ZNRF1: variants seen among roughly 807,000 people sequenced by gnomAD.
ZNRF1 encodes the protein zinc and ring finger 1.
Under a neutral mutation model 18.4 loss-of-function variants are expected in ZNRF1, and 3 were observed. The ratio of observed to expected loss-of-function variants is 0.16; its 90% CI spans 0.07 to 0.42. The LOEUF (loss-of-function observed/expected upper bound fraction) is 0.42, where lower values mean the gene tolerates loss of function less well. Among genes scored for constraint, ZNRF1 ranks in the 10% least tolerant of loss-of-function variants. ZNRF1 has a pLI of 0.99. For missense variants in ZNRF1, 310 were observed against 329.8 expected, an observed-to-expected ratio of 0.94 and a Z score of 0.47; for synonymous variants, 157 against 144.2, an observed-to-expected ratio of 1.09 and a Z score of -0.64.
chr16:75,034,930 T>C (rs2035357858), intron 1 of ZNRF1, among the ~76,000 whole-genome samples: 1 of 151,956 alleles, frequency 6.6e-6, no homozygotes, highest in Non-Finnish European at 1.5e-5. Context: ...TCCAGTTGGC[T>C]TTCAGTTCTT....
chr16:75,006,123 T>G (rs947086999), intron 1 of ZNRF1, among the ~76,000 whole-genome samples: 2 of 152,186 alleles, frequency 1.3e-5, no homozygotes, highest in Non-Finnish European at 1.5e-5. Flanking sequence ...GACCCATGCA[T>G]GTAGGGTGGT....
intron 1 of ZNRF1, among the ~76,000 whole-genome samples, chr16:75,044,161 G>A (rs1391334118): frequency 1.3e-5 from 2 of 151,462 alleles, no homozygotes; most frequent in East Asian, 3.9e-4. Flanking sequence ...TTAAACTTTG[G>A]AATTTCTTAG....
At chr16:75,028,840 A>G (rs2035259656) in intron 1 of ZNRF1, among the ~76,000 whole-genome samples, 1 of 152,186 alleles carries the variant, frequency 6.6e-6, no homozygotes, top group Admixed American at 6.5e-5. Context: ...CCCTTGAAAC[A>G]CTGTCTTCAC....
chr16:75,023,876 CT>C (rs565608727), intron 1 of ZNRF1, among the ~76,000 whole-genome samples: 2,267 of 142,394 alleles, frequency 0.016, 33 homozygotes, highest in Middle Eastern at 0.029. Flanking sequence ...ATTTTATTTT[CT>C]TTTTTTTTTT....
intron 1 of ZNRF1, among the ~76,000 whole-genome samples, chr16:75,085,507 A>G (rs957823511): frequency 1.5e-4 from 23 of 152,156 alleles, no homozygotes; most frequent in Non-Finnish European, 3.1e-4. Context: ...GTAAATGACT[A>G]TTTGTAGGTA....
chr16:75,001,454 T>A (rs2034848408), intron 1 of ZNRF1, among the ~76,000 whole-genome samples: 1 of 152,228 alleles, frequency 6.6e-6, no homozygotes, highest in African/African-American at 2.4e-5. Context: ...GACCTCCGGA[T>A]ATCATTGGAG....
At chr16:75,087,397 C>A (rs972510666) in intron 1 of ZNRF1, among the ~76,000 whole-genome samples, 1 of 152,210 alleles carries the variant, frequency 6.6e-6, no homozygotes, top group African/African-American at 2.4e-5. Flanking sequence ...TACAGCCAAC[C>A]AAATGGCAAA....
At chr16:75,054,097 A>G (rs1438654801) in intron 1 of ZNRF1, among the ~76,000 whole-genome samples, 1 of 152,228 alleles carries the variant, frequency 6.6e-6, no homozygotes, top group East Asian at 1.9e-4. Flanking sequence ...GCCCTAAGCA[A>G]GGACCCTTAG....
chr16:75,030,927 G>A (rs149263900), intron 1 of ZNRF1, among the ~76,000 whole-genome samples: 2,679 of 135,170 alleles, frequency 0.02, 48 homozygotes, highest in Non-Finnish European at 0.026. Context: ...TGCAACCTCC[G>A]CCTCCCGGGT....
intron 2 of ZNRF1, among the ~76,000 whole-genome samples, chr16:75,100,012 A>G (rs2036238079): frequency 6.6e-6 from 1 of 152,126 alleles, no homozygotes; most frequent in Admixed American, 6.5e-5. Context: ...CCTGCTGTGG[A>G]AGAATGCTGC....
Position 75,031,474 on chromosome 16 carries a change from A to AT in ZNRF1, c.424+31379_424+31380insT, listed in dbSNP as rs1567471943. Among the ~76,000 whole-genome samples, 72 of 151,352 alleles carry AT rather than the reference A, an allele frequency of 4.8e-4. 2 individuals carry two copies. The highest frequency in any genetic ancestry group is 1.7e-3 in the African/African-American group (71 of 41,226). Reference sequence around the variant, plus strand: ...CATTTTCTTGTTTTACTTAAAAAAAAATTTTTTTTCTAAGGTTTTTTGTTT... The same window carrying AT: ...CATTTTCTTGTTTTACTTAAAAAAAATATTTTTTTTCTAAGGTTTTTTGTTT... On this transcript the variant is annotated intron_variant, in intron 1 of 4. Coordinates refer to ENST00000335325, the MANE Select transcript of ZNRF1 (RefSeq NM_032268.5).
chr16:75,010,701 G>GTTTGTTTTTTTT (rs2034983907), intron 1 of ZNRF1, among the ~76,000 whole-genome samples: 1 of 63,768 alleles, frequency 1.6e-5, no homozygotes, highest in African/African-American at 4.5e-5. Flanking sequence ...GTACTGTACT[G>GTTTGTTTTTTTT]TTTTTTTTTG....
rs114064675 is a variant in ZNRF1 at position 75,102,220 on chromosome 16, C to A, written c.521-2564C>A. On this transcript the variant is annotated intron_variant, in intron 2 of 4. Transcript: ENST00000335325. ...GGGCCCCAGGTGTTTGCCTTTCCAC[C>A]AAAATAATAAGAGAACACAAAGAAA... is the stretch of plus-strand genomic sequence containing the variant. 4.4e-3 allele frequency among the ~76,000 whole-genome samples: 669 copies of A among 152,146 alleles called. 4 individuals are homozygous for A. The highest frequency in any genetic ancestry group is 0.016 in the African/African-American group (657 of 41,494).
At chr16:75,010,715 T>TTG (rs1567464751) in intron 1 of ZNRF1, among the ~76,000 whole-genome samples, 1 of 56,626 alleles carries the variant, frequency 1.8e-5, no homozygotes, top group Non-Finnish European at 5.6e-5. Flanking sequence ...TTTTTTGTTT[T>TTG]TTTGTTTTTT....
chr16:75,004,547 C>G (rs1310453131), intron 1 of ZNRF1, among the ~76,000 whole-genome samples: 1 of 152,206 alleles, frequency 6.6e-6, no homozygotes, highest in African/African-American at 2.4e-5. Flanking sequence ...TTCAGAAAGT[C>G]TAAACTGTTC....
chr16:75,019,527 A>G (rs1258183267), intron 1 of ZNRF1, among the ~76,000 whole-genome samples: 1 of 152,164 alleles, frequency 6.6e-6, no homozygotes, highest in Non-Finnish European at 1.5e-5. Context: ...CATACTACAC[A>G]GTCAGTTTTC....
At chr16:75,022,648 A>C (rs370738101) in intron 1 of ZNRF1, among the ~76,000 whole-genome samples, 1 of 152,262 alleles carries the variant, frequency 6.6e-6, no homozygotes, top group African/African-American at 2.4e-5. Flanking sequence ...AACAAAATTT[A>C]AATTCCATTT....
At chr16:75,050,889 C>CAAAAAAAAAAAAAAAAAAAA in intron 1 of ZNRF1, among the ~76,000 whole-genome samples, 1 of 27,638 alleles carries the variant, frequency 3.6e-5, no homozygotes, top group African/African-American at 9.3e-5. Flanking sequence ...AAAAAAAAAA[C>CAAAAAAAAAAAAAAAAAAAA]AAAAAAAAAC....
chr16:75,004,672 G>T (rs55863825), intron 1 of ZNRF1, among the ~76,000 whole-genome samples: 1,691 of 152,280 alleles, frequency 0.011, 23 homozygotes, highest in African/African-American at 0.037. Flanking sequence ...GGAGTGCCAT[G>T]GTGCAATCAT....
Sources: gnomAD v4.1 joint callset for allele counts (sites outside exome capture counted in the v4.1 genomes callset) on GRCh38, gnomAD v4.1.1 for gene constraint, MANE v1.5 for transcripts, NCBI Gene and HGNC (gene_info 2026-07-23, HGNC 2026-07-21) for gene names.